Variants in ALG12 observed in about 807,000 individuals in gnomAD.
ALG12 encodes the protein ALG12 alpha-1,6-mannosyltransferase.
In ALG12, 36 loss-of-function variants were observed where a neutral mutation model predicts 46.0. The observed-to-expected ratio is 0.78, with a 90% CI of 0.60 to 1.03. The LOEUF is 1.03. ALG12 is among the 50% of genes least tolerant of loss of function. The probability of loss-of-function intolerance (pLI) is 0.00; values close to 1 mark genes in which losing one functional copy is unlikely to be tolerated. For missense variants in ALG12, 599 were observed against 633.5 expected (o/e 0.95, Z 0.58); for synonymous variants, 326 against 291.6 (o/e 1.12, Z -1.20).
At chr22:49,887,091 C>A in the ALG12 span, 1 of 1,614,196 alleles carries the variant, frequency 6.2e-7, no homozygotes, top group Non-Finnish European at 8.5e-7. Context: ...AGAACGGTAG[C>A]CTTGGCCAAT....
the ALG12 span, among the ~76,000 whole-genome samples, chr22:49,865,454 G>T: frequency 1.3e-5 from 2 of 151,610 alleles, no homozygotes; most frequent in South Asian, 4.2e-4. Flanking sequence ...TTCGAGACCC[G>T]CCTGGCCAAC....
chr22:49,865,041 G>A, the ALG12 span, among the ~76,000 whole-genome samples: 3 of 147,970 alleles, frequency 2.0e-5, no homozygotes, highest in Non-Finnish European at 4.4e-5. Flanking sequence ...AGTGACGGCA[G>A]CCCCGGGTCT....
chr22:49,862,670 T>A, the ALG12 span, among the ~76,000 whole-genome samples: 1 of 145,704 alleles, frequency 6.9e-6, no homozygotes, highest in Non-Finnish European at 1.5e-5. Flanking sequence ...ACTGAGTACC[T>A]CTAAATATTA....
the ALG12 span, chr22:49,885,712 C>T: frequency 1.2e-6 from 2 of 1,607,810 alleles, no homozygotes; most frequent in Non-Finnish European, 8.5e-7. Flanking sequence ...CTTTAACAGG[C>T]TGCTTGAATA....
At chr22:49,881,247 G>T in the ALG12 span, among the ~76,000 whole-genome samples, 25 of 152,368 alleles carry the variant, frequency 1.6e-4, 2 homozygotes, top group South Asian at 1.9e-3. Context: ...TACTTGGGAG[G>T]CTGAGGCAGG....
chr22:49,888,659 A>G, the ALG12 span: 1 of 167,296 alleles, frequency 6.0e-6, no homozygotes, highest in East Asian at 1.9e-4. Context: ...TGGTGCCAGA[A>G]TGCAGGAGCC....
the ALG12 span, among the ~76,000 whole-genome samples, chr22:49,891,325 A>G: frequency 6.6e-6 from 1 of 152,196 alleles, no homozygotes. Context: ...TCTGGGCACA[A>G]CGGTTTTGGC....
At chr22:49,898,434 G>A (rs563413995), downstream of ALG12, among the ~76,000 whole-genome samples, 9 of 150,776 alleles carry the variant, frequency 6.0e-5, no homozygotes, top group South Asian at 8.4e-4. Flanking sequence ...TTGTCGCCCC[G>A]GCTGGAGTGC....
At chr22:49,910,378 C>A in intron 4 of ALG12, 56 bp downstream of exon 4, 1 of 1,589,860 alleles carries the variant, frequency 6.3e-7, no homozygotes, top group South Asian at 1.1e-5. Context: ...CAGCCCGACT[C>A]AGGGGAGCCC....
the ALG12 span, among the ~76,000 whole-genome samples, chr22:49,869,673 A>G: frequency 6.6e-6 from 1 of 152,158 alleles, no homozygotes; most frequent in Non-Finnish European, 1.5e-5. Flanking sequence ...TCATGGAAAT[A>G]ATCTGATATA....
At chr22:49,859,526 G>A in the ALG12 span, among the ~76,000 whole-genome samples, 3 of 152,044 alleles carry the variant, frequency 2.0e-5, no homozygotes, top group Non-Finnish European at 4.4e-5. Context: ...CCAGGCCTGC[G>A]TCAGCTGCTT....
chr22:49,877,258 ATTATTTAT>A, the ALG12 span, among the ~76,000 whole-genome samples: 7,473 of 144,666 alleles, frequency 0.052, 373 homozygotes, highest in African/African-American at 0.13. Context: ...AAACAGCTTT[ATTATTTAT>A]TTATTTATTT....
At position 49,910,041 on chromosome 22, in the gene ALG12, T is replaced by C; in HGVS notation, c.517A>G (p.Ile173Val). 1 of 1,613,206 alleles carries C rather than the reference T, an allele frequency of 6.2e-7. No homozygotes were observed. Among genetic ancestry groups the C allele is most frequent in the East Asian group, 2.2e-5 (1 of 44,872 alleles). The change falls in exon 5 of 10, where the codon ATC (isoleucine) becomes GTC (valine). Residue 173 changes from isoleucine (I) to valine (V), a missense_variant. By Grantham distance (29) the Ile-to-Val change is conservative. Transcript: ENST00000330817. ...ATGATGGCGAAGGCTGACAGCCAGA[T>C]GAAGCGGGCCCACTCGTGCCGCAGC... ...AWLRHEWARFIWLSAFAIIVF... is the reference protein window; with the variant it reads ...AWLRHEWARFVWLSAFAIIVF...
At chr22:49,885,535 C>G in the ALG12 span, 1 of 1,607,746 alleles carries the variant, frequency 6.2e-7, no homozygotes. Context: ...GCCCTCCTCT[C>G]CGGACACCCG....
rs2060521495 is a variant in ALG12, at chr22:49,902,885, C to T, written c.*953G>A. On this transcript the variant is annotated 3_prime_UTR_variant, in exon 10 of 10. Transcript: ENST00000330817. The stretch of plus-strand genomic sequence containing the variant: ...GTGTGTGGATGCATGGTAATGTGCA[C>T]GTGTGCACTGTGTGTGGTGTGTATG... The T allele has an allele frequency of 6.4e-6, 1 of 157,366 alleles. No individual in the cohort carries two copies. Among genetic ancestry groups the T allele is most frequent in the East Asian group, 2.2e-4 (1 of 4,608 alleles). 9.7% of individuals were successfully genotyped at this position (157,366 alleles called of 1,614,324 possible). A position where few individuals can be genotyped will look rare whatever the true frequency, so the allele number is the denominator to read the frequency against.
At chr22:49,863,639 A>G in the ALG12 span, among the ~76,000 whole-genome samples, 2 of 152,178 alleles carry the variant, frequency 1.3e-5, no homozygotes, top group African/African-American at 4.8e-5. Flanking sequence ...AAAAAAAAAA[A>G]AAAGTGTGAT....
rs753479993 is a variant in ALG12 at position 49,900,510 on chromosome 22, C to G, written c.*3328G>C. The G allele has an allele frequency of 6.6e-6, 1 of 152,170 alleles. No homozygotes were observed. The highest frequency in any genetic ancestry group is 6.5e-5 in the Admixed American group (1 of 15,270). 9.4% of individuals were successfully genotyped at this position (152,170 alleles called of 1,614,324 possible). ...ACCACTACACTGACGGTGGAGAAGCCGACCCAAGGAACTCATGAGCACAGT... is the reference window on the plus strand; with the variant it reads ...ACCACTACACTGACGGTGGAGAAGCGGACCCAAGGAACTCATGAGCACAGT... On this transcript the variant is annotated 3_prime_UTR_variant, in exon 10 of 10. Coordinates refer to ENST00000330817, the MANE Select transcript of ALG12 (RefSeq NM_024105.4).
chr22:49,906,670 C>T lies in ALG12; in HGVS notation c.992+1051G>A, dbSNP rs1050557227. 3.3e-5 allele frequency among the ~76,000 whole-genome samples: 5 copies of T among 152,198 alleles called. No individual in the cohort carries two copies. Among genetic ancestry groups the T allele is most frequent in the Admixed American group, 6.5e-5 (1 of 15,288 alleles). On this transcript the variant is annotated intron_variant, in intron 7 of 9. Coordinates refer to ENST00000330817, the MANE Select transcript of ALG12 (RefSeq NM_024105.4). The surrounding 1 kb of genome is among the most constrained non-coding windows in gnomAD (Gnocchi z 4.4). ...GTGGGCACCTCTCAATGCCCCAGGC[C>T]GCGGCCCTCCTGGCCTGTAGCCCTG...
Position 49,906,971 on chromosome 22 carries a change from CCCAGGCCCTG to C in ALG12, c.992+740_992+749del, listed in dbSNP as rs1569174381. On this transcript the variant is annotated intron_variant, in intron 7 of 9. Coordinates refer to ENST00000330817, the MANE Select transcript of ALG12 (RefSeq NM_024105.4). This position sits in a 1 kb window ranked among gnomAD's most constrained non-coding sequence, Gnocchi z 4.4. Reference sequence around the variant, plus strand: ...CACCCTCAGCCCAGGCAGTGCCCTCCCCAGGCCCTGCCAGGCCCCCAGCTCCACCTCCATC... The same window carrying C: ...CACCCTCAGCCCAGGCAGTGCCCTCCCCAGGCCCCCAGCTCCACCTCCATC... 6.6e-6 allele frequency among the ~76,000 whole-genome samples: 1 copy of C among 152,088 alleles called. No homozygotes were observed. The highest frequency in any genetic ancestry group is 1.5e-5 in the Non-Finnish European group (1 of 67,990).
Sources: allele counts gnomAD v4.1 joint callset (sites outside exome capture counted in the v4.1 genomes callset), GRCh38; gene constraint gnomAD v4.1.1; non-coding constraint Gnocchi (gnomAD v3.1); transcripts MANE v1.5; gene names NCBI Gene and HGNC (gene_info 2026-07-23, HGNC 2026-07-21).